Variants in PEX5L observed in about 807,000 individuals in gnomAD.
The protein encoded by PEX5L is PEX5-related protein.
A neutral mutation model predicts 84.0 loss-of-function variants in PEX5L; 30 were observed. That is an observed-to-expected ratio of 0.36 (90% confidence interval 0.27 to 0.48). The LOEUF is 0.48. Ranked by LOEUF, PEX5L falls within the 20% of genes least tolerant of loss-of-function variation. The pLI is 0.99. For synonymous variants in PEX5L, 270 were observed against 283.1 expected (o/e 0.95, Z 0.46); for missense variants, 533 against 754.6 (o/e 0.71, Z 3.44).
In PEX5L at chr3:180,036,761, G is replaced by T. The variant is rs545564013; in HGVS notation, c.-162C>A. 9.7e-5 allele frequency: 71 copies of T among 734,932 alleles called. 1 individual carries two copies. The East Asian group carries it at 1.3e-3, about 13-fold the overall frequency. 45.5% of individuals were successfully genotyped at this position (734,932 alleles called of 1,614,324 possible). ...GTACTCGGCCGGCCGGCGGCCACTCGGCAGCGCTGCGGGCTGCCGGGAACT... is the reference window on the plus strand; with the variant it reads ...GTACTCGGCCGGCCGGCGGCCACTCTGCAGCGCTGCGGGCTGCCGGGAACT... On this transcript the variant is annotated 5_prime_UTR_variant, in exon 1 of 15. Coordinates refer to ENST00000467460, the MANE Select transcript of PEX5L (RefSeq NM_016559.3).
At position 179,801,786 on chromosome 3, in the gene PEX5L, T is replaced by G. The variant is rs754817237; in HGVS notation, c.*42A>C. On this transcript the variant is annotated 3_prime_UTR_variant, in exon 15 of 15. Transcript: ENST00000467460. ...AATAGTTTTTGATTTTTCAGTACAATCACACAGATCAGGGATTATTAGTAC... is the reference window on the plus strand; with the variant it reads ...AATAGTTTTTGATTTTTCAGTACAAGCACACAGATCAGGGATTATTAGTAC... The G allele has an allele frequency of 4.1e-6, 5 of 1,207,024 alleles. No homozygotes were observed. In the Admixed American group the frequency reaches 8.5e-5, roughly 20 times the overall value. The allele number at this position is 1,207,024 out of a possible 1,614,324, so 74.8% of individuals were successfully genotyped here. A position where few individuals can be genotyped will look rare whatever the true frequency, so the allele number is the denominator to read the frequency against.
At chr3:179,871,690 C>A (rs912049227) in intron 7 of PEX5L, among the ~76,000 whole-genome samples, 2 of 152,104 alleles carry the variant, frequency 1.3e-5, no homozygotes, top group Non-Finnish European at 2.9e-5. Flanking sequence ...AAGGCAAATG[C>A]CAAGCTGTAA....
At chr3:179,826,687 C>T (rs1319022400) in intron 8 of PEX5L, among the ~76,000 whole-genome samples, 5 of 152,064 alleles carry the variant, frequency 3.3e-5, no homozygotes, top group Non-Finnish European at 7.4e-5. Flanking sequence ...TGAAAAAAGC[C>T]AGCAGTGAAC....
chr3:179,898,942 C>T (rs906985463), intron 2 of PEX5L, among the ~76,000 whole-genome samples: 3 of 151,864 alleles, frequency 2.0e-5, no homozygotes, highest in Admixed American at 6.6e-5. Context: ...ATAATTAATA[C>T]GTAAAGGATA....
Position 180,036,504 on chromosome 3 carries a change from A to G in PEX5L, c.21+75T>C, listed in dbSNP as rs1791919363. 5 of 1,398,698 alleles carry G rather than the reference A, an allele frequency of 3.6e-6. No homozygotes were observed. In the African/African-American group the frequency reaches 5.7e-5, roughly 16 times the overall value. 86.6% of individuals were successfully genotyped at this position (1,398,698 alleles called of 1,614,324 possible). Reference sequence around the variant, plus strand: ...AGCTGTGCGAAGGCAGCACTTGACCACAGAAACTTGGTGAACCGCCTTGCT... The same window carrying G: ...AGCTGTGCGAAGGCAGCACTTGACCGCAGAAACTTGGTGAACCGCCTTGCT... On this transcript the variant is annotated intron_variant, in intron 1 of 14. Coordinates refer to ENST00000467460, the MANE Select transcript of PEX5L (RefSeq NM_016559.3).
At chr3:179,967,254 G>A (rs1049232106) in intron 2 of PEX5L, among the ~76,000 whole-genome samples, 2 of 152,126 alleles carry the variant, frequency 1.3e-5, no homozygotes, top group African/African-American at 4.8e-5. Flanking sequence ...ATGGCAGGAG[G>A]GAGAGCTGGC....
intron 2 of PEX5L, among the ~76,000 whole-genome samples, chr3:179,958,355 G>C (rs1578976379): frequency 6.6e-6 from 1 of 152,226 alleles, no homozygotes; most frequent in Admixed American, 6.5e-5. Context: ...AGCCTTCTGG[G>C]GTTGTGCAAC....
At chr3:179,861,508 T>A (rs988553751) in intron 7 of PEX5L, among the ~76,000 whole-genome samples, 1 of 151,856 alleles carries the variant, frequency 6.6e-6, no homozygotes, top group African/African-American at 2.4e-5. Context: ...CCTACAGGGG[T>A]GTCTGTGGTC....
chr3:179,828,371 A>G (rs1176411529), intron 8 of PEX5L, among the ~76,000 whole-genome samples: 1 of 152,168 alleles, frequency 6.6e-6, no homozygotes, highest in Non-Finnish European at 1.5e-5. Flanking sequence ...GAAATTTCAC[A>G]TGAAAACCCA....
chr3:179,958,090 G>T (rs1781052440), intron 2 of PEX5L, among the ~76,000 whole-genome samples: 2 of 151,136 alleles, frequency 1.3e-5, no homozygotes, highest in African/African-American at 2.4e-5. Context: ...ACTTTTTTTT[G>T]GGAAGGAAAA....
At position 179,977,766 on chromosome 3, in the gene PEX5L, AATT is replaced by A. The variant is rs1297421267; in HGVS notation, c.22-6104_22-6102del. Reference sequence around the variant, plus strand: ...GGGGGAGATCAATTTTCTGAAGGGAAATTATTATTTTTACAGAGAATCATTTAC... The same window carrying A: ...GGGGGAGATCAATTTTCTGAAGGGAAATTATTTTTACAGAGAATCATTTAC... On this transcript the variant is annotated intron_variant, in intron 1 of 14. Coordinates refer to ENST00000467460, the MANE Select transcript of PEX5L (RefSeq NM_016559.3). Among the ~76,000 whole-genome samples, 9 of 152,242 alleles carry A rather than the reference AATT, an allele frequency of 5.9e-5. No homozygotes were observed. In the East Asian group the frequency reaches 1.7e-3, roughly 29 times the overall value.
chr3:179,970,863 T>G (rs1784545087), intron 2 of PEX5L, among the ~76,000 whole-genome samples: 2 of 152,172 alleles, frequency 1.3e-5, no homozygotes, highest in Non-Finnish European at 2.9e-5. Context: ...TCAGATGCTG[T>G]GCCACCCAGG....
chr3:179,971,710 T>A, intron 1 of PEX5L, 45 bp from the exon 2 acceptor site: 1 of 1,500,124 alleles, frequency 6.7e-7, no homozygotes, highest in South Asian at 1.3e-5. Flanking sequence ...TTCTATCCAT[T>A]AACAATCTTA....
chr3:179,888,792 A>T (rs1756703911), intron 3 of PEX5L, among the ~76,000 whole-genome samples: 1 of 152,030 alleles, frequency 6.6e-6, no homozygotes, highest in Non-Finnish European at 1.5e-5. Flanking sequence ...AAATAGGCAC[A>T]GGATGTCTGT....
At chr3:179,845,175 G>T (rs1441072375) in intron 8 of PEX5L, among the ~76,000 whole-genome samples, 1 of 152,154 alleles carries the variant, frequency 6.6e-6, no homozygotes, top group Non-Finnish European at 1.5e-5. Context: ...GAAACAATTT[G>T]TGTCTAATAA....
At chr3:179,882,756 T>C (rs1369767909) in intron 4 of PEX5L, among the ~76,000 whole-genome samples, 1 of 152,198 alleles carries the variant, frequency 6.6e-6, no homozygotes, top group Non-Finnish European at 1.5e-5. Context: ...TTCAGGCACA[T>C]GAAGTTTTGG....
At chr3:179,908,493 A>G (rs1764030017) in intron 2 of PEX5L, among the ~76,000 whole-genome samples, 1 of 152,136 alleles carries the variant, frequency 6.6e-6, no homozygotes, top group Non-Finnish European at 1.5e-5. Context: ...TTATACTTTA[A>G]GTTTTAGGGT....
intron 2 of PEX5L, among the ~76,000 whole-genome samples, chr3:179,917,737 G>A (rs1044350454): frequency 2.6e-5 from 4 of 152,122 alleles, no homozygotes; most frequent in Non-Finnish European, 2.9e-5. Context: ...TCGGCTCACC[G>A]CAACATCCGC....
intron 5 of PEX5L, 41 bp from the exon 6 acceptor site, chr3:179,875,518 G>A (rs1258576960): frequency 6.3e-7 from 1 of 1,580,216 alleles, no homozygotes; most frequent in South Asian, 1.1e-5. Flanking sequence ...GGTGGCGGCA[G>A]GGCGGGGTAG....
Sources: allele counts gnomAD v4.1 joint callset (sites outside exome capture counted in the v4.1 genomes callset), GRCh38; gene constraint gnomAD v4.1.1; transcripts MANE v1.5; gene names NCBI Gene and HGNC (gene_info 2026-07-23, HGNC 2026-07-21).